The following CHST10 variants were observed in gnomAD, a reference collection of about 807,000 sequenced individuals.
CHST10 encodes carbohydrate sulfotransferase 10.
Under a neutral mutation model 34.7 loss-of-function variants are expected in CHST10, and 24 were observed. That is an observed-to-expected ratio of 0.69 (90% CI 0.50 to 0.97). The LOEUF (loss-of-function observed/expected upper bound fraction) is 0.97. Ranked by LOEUF, CHST10 falls within the 50% of genes least tolerant of loss-of-function variation. CHST10 has a pLI of 0.00. For missense variants in CHST10, 402 were observed against 452.1 expected (o/e 0.89, Z 1.00); for synonymous variants, 161 against 169.3 (o/e 0.95, Z 0.38).
chr2:100,411,821 T>G (rs1367083493), intron 2 of CHST10, among the ~76,000 whole-genome samples: 1 of 152,044 alleles, frequency 6.6e-6, no homozygotes. Context: ...CATGGTGCTG[T>G]GGGGAGAAAA....
chr2:100,413,586 T>C (rs1675937907), intron 2 of CHST10, among the ~76,000 whole-genome samples: 1 of 152,200 alleles, frequency 6.6e-6, no homozygotes, highest in South Asian at 2.1e-4. Context: ...TAGCACACAT[T>C]GTACATGTTT....
intron 6 of CHST10, 144 bp from the exon 7 acceptor site, chr2:100,393,926 C>T: frequency 1.6e-6 from 1 of 631,054 alleles, no homozygotes; most frequent in Non-Finnish European, 2.7e-6. Context: ...TTCCACACGT[C>T]TCTTAATCTA....
At chr2:100,394,235 G>T (rs1220692528) in intron 6 of CHST10, among the ~76,000 whole-genome samples, 2 of 146,400 alleles carry the variant, frequency 1.4e-5, no homozygotes, top group Non-Finnish European at 2.9e-5. Flanking sequence ...GCCAGGGGAA[G>T]GGGGGCAAGA....
rs1674820371 is a variant in CHST10, at chr2:100,392,117, A to G, written c.*1128T>C. On this transcript the variant is annotated 3_prime_UTR_variant, in exon 7 of 7. Coordinates refer to ENST00000264249, the MANE Select transcript of CHST10 (RefSeq NM_004854.5). ...GCCTACCTTGTTGCCAGGAAGCCGC[A>G]CTGCTGGAGGCTACCTGGGCGCTGG... 6.5e-6 allele frequency: 1 copy of G among 152,728 alleles called. No homozygotes were observed. Among genetic ancestry groups the G allele is most frequent in the South Asian group, 2.1e-4 (1 of 4,830 alleles). The allele number at this position is 152,728 out of a possible 1,614,324, so 9.5% of individuals were successfully genotyped here.
At chr2:100,414,622 G>A (rs866324736) in intron 2 of CHST10, among the ~76,000 whole-genome samples, 1 of 152,170 alleles carries the variant, frequency 6.6e-6, no homozygotes, top group Non-Finnish European at 1.5e-5. Context: ...CAAATTCATA[G>A]TAAAGGTTTC....
At chr2:100,412,125 G>A (rs1250173119) in intron 2 of CHST10, among the ~76,000 whole-genome samples, 3 of 152,210 alleles carry the variant, frequency 2.0e-5, no homozygotes, top group Non-Finnish European at 4.4e-5. Context: ...TTCAGCAGCA[G>A]AGTCAGAGGT....
At chr2:100,402,395 C>A (rs545719812) in intron 4 of CHST10, among the ~76,000 whole-genome samples, 169 bp downstream of exon 4, 1 of 152,192 alleles carries the variant, frequency 6.6e-6, no homozygotes, top group African/African-American at 2.4e-5. Flanking sequence ...GTGACCTGTG[C>A]CTCTCCCAAA....
At chr2:100,416,726 T>C (rs1301685540) in intron 1 of CHST10, 1 of 344,154 alleles carries the variant, frequency 2.9e-6, no homozygotes. Context: ...AACCCACCGT[T>C]ATGACAGTCC....
At position 100,397,984 on chromosome 2, in the gene CHST10, G is replaced by T. The variant is rs181915976; in HGVS notation, c.351C>A (p.Asp117Glu). ...KFVLDRIFVC[D>E]KHKILFCQTP... ...TCTGGCAGAAAAGAATCTTGTGCTT[G>T]TCACAGACAAATATTCGGTCCAGGA... The change falls in exon 5 of 7, where the codon GAC becomes GAA. Residue 117 changes from aspartate to glutamate, a missense_variant. Transcript: ENST00000264249. 112 of 1,614,154 alleles carry T rather than the reference G, an allele frequency of 6.9e-5. 1 individual carries two copies. In the East Asian group the frequency reaches 2.4e-3, roughly 35 times the overall value.
Position 100,393,569 on chromosome 2 carries a change from G to A in CHST10, c.747C>T (p.His249=). ...CCCCAAACTGAAGGTCTAGCCATCT[G>A]TGGTTCGGATCGCCGAGGTAGCGCA... The part of the protein sequence containing the change: ...DFVRYLGDPN[H]RWLDLQFGDH... Residue 249 remains histidine, a synonymous_variant, in exon 7 of 7, where the codon CAC becomes CAT. Transcript: ENST00000264249. The A allele has an allele frequency of 6.2e-7, 1 of 1,614,168 alleles. No individual in the cohort carries two copies.
intron 3 of CHST10, 62 bp downstream of exon 3, chr2:100,406,514 G>A (rs1265680068): frequency 2.5e-6 from 4 of 1,598,796 alleles, no homozygotes; most frequent in Non-Finnish European, 3.4e-6. Flanking sequence ...CATGTACCTA[G>A]GAACAGTGTT....
At chr2:100,411,798 G>T (rs551450551) in intron 2 of CHST10, among the ~76,000 whole-genome samples, 28 of 152,192 alleles carry the variant, frequency 1.8e-4, no homozygotes, top group African/African-American at 5.8e-4. Context: ...GGTACTTGAT[G>T]GTGTGAGAGG....
chr2:100,417,374 C>G lies in CHST10; in HGVS notation c.-104G>C, dbSNP rs183496279. 4.5e-3 allele frequency: 1,424 copies of G among 318,700 alleles called. 22 individuals are homozygous for G. Among genetic ancestry groups the G allele is most frequent in the African/African-American group, 0.023 (1,049 of 46,168 alleles). 19.7% of individuals were successfully genotyped at this position (318,700 alleles called of 1,614,324 possible). ...CCCGCCTGCGCGTCCCCGAGCTCAC[C>G]CTACTGGAGCGGCGCTCGTCCGGGT... is the stretch of plus-strand genomic sequence containing the variant. On this transcript the variant is annotated splice_region_variant and 5_prime_UTR_variant, in exon 1 of 7. Coordinates refer to ENST00000264249, the MANE Select transcript of CHST10 (RefSeq NM_004854.5).
chr2:100,400,642 C>A (rs1362082167), intron 4 of CHST10, among the ~76,000 whole-genome samples: 1 of 152,210 alleles, frequency 6.6e-6, no homozygotes, highest in Non-Finnish European at 1.5e-5. Context: ...ATATTATTTT[C>A]TATTTTCCAT....
chr2:100,416,842 G>T, intron 1 of CHST10: 1 of 617,520 alleles, frequency 1.6e-6, no homozygotes, highest in Non-Finnish European at 2.6e-6. Context: ...GGAAAACCTG[G>T]TTCACCTTCC....
chr2:100,401,924 C>T (rs928687058), intron 4 of CHST10, among the ~76,000 whole-genome samples: 1 of 152,168 alleles, frequency 6.6e-6, no homozygotes, highest in African/African-American at 2.4e-5. Context: ...GCAACTTCAA[C>T]CCTCTAGATC....
At chr2:100,416,696 A>G in intron 1 of CHST10, 1 of 330,328 alleles carries the variant, frequency 3.0e-6, no homozygotes, top group Non-Finnish European at 6.0e-6. Context: ...CAAAACAACA[A>G]CAACAACAAC....
chr2:100,394,864 C>T (rs1484458235), intron 6 of CHST10, among the ~76,000 whole-genome samples: 2 of 151,546 alleles, frequency 1.3e-5, no homozygotes, highest in Non-Finnish European at 2.9e-5. Context: ...GCTAGGACTA[C>T]ACGTGTGTGC....
At chr2:100,402,519 G>T in intron 4 of CHST10, 45 bp downstream of exon 4, 1 of 1,531,316 alleles carries the variant, frequency 6.5e-7, no homozygotes, top group East Asian at 2.3e-5. Flanking sequence ...CGCGACAAGG[G>T]TGCCGTGTTC....
Sources: gnomAD v4.1 joint callset for allele counts (sites outside exome capture counted in the v4.1 genomes callset) on GRCh38, gnomAD v4.1.1 for gene constraint, MANE v1.5 for transcripts, NCBI Gene and HGNC (gene_info 2026-07-23, HGNC 2026-07-21) for gene names.